FRY: variants seen among roughly 807,000 people sequenced by gnomAD.
FRY encodes FRY microtubule binding protein.
A neutral mutation model predicts 348.4 loss-of-function variants in FRY; 128 were observed. That is an observed-to-expected ratio of 0.37 (90% CI 0.32 to 0.43). FRY has a LOEUF of 0.43. FRY is among the 20% of genes least tolerant of loss of function. The probability of loss-of-function intolerance (pLI) is 1.00; values close to 1 mark genes in which losing one functional copy is unlikely to be tolerated. For synonymous variants in FRY, 1,370 were observed against 1,374.7 expected (o/e 1.00, Z 0.08); for missense variants, 2,736 against 3,695.2 (o/e 0.74, Z 6.73).
chr13:32,194,427 A>G, intron 29 of FRY, 130 bp downstream of exon 29: 3 of 801,762 alleles, frequency 3.7e-6, no homozygotes, highest in Non-Finnish European at 6.3e-6. Context: ...AATGTTCTGT[A>G]TGTCCCCAGC....
chr13:32,140,974 A>G (rs1253710147), intron 11 of FRY, among the ~76,000 whole-genome samples: 2 of 152,200 alleles, frequency 1.3e-5, no homozygotes, highest in Non-Finnish European at 2.9e-5. Flanking sequence ...TTTAAATACC[A>G]AATTTAAATG....
chr13:32,077,534 T>C (rs371340151), intron 1 of FRY, among the ~76,000 whole-genome samples: 5 of 152,180 alleles, frequency 3.3e-5, no homozygotes, highest in African/African-American at 1.2e-4. Context: ...TCAACTGTTA[T>C]GTCAGGTTAA....
chr13:32,146,035 A>T (rs1368083607), intron 11 of FRY, among the ~76,000 whole-genome samples: 1 of 151,782 alleles, frequency 6.6e-6, no homozygotes, highest in Non-Finnish European at 1.5e-5. Flanking sequence ...AAGCCTCACC[A>T]CCTACTGCTC....
In FRY at chr13:32,135,263, C is replaced by G. The variant is rs138854039; in HGVS notation, c.1077+80C>G. ...CCTAGACAGGAATCTGTTTGAGGAT[C>G]CTAAGGACTCCACAGATAGGAAAAG... On this transcript the variant is annotated intron_variant, in intron 10 of 60. Coordinates refer to ENST00000542859, the MANE Select transcript of FRY (RefSeq NM_023037.3). 2.6e-4 allele frequency: 220 copies of G among 860,834 alleles called. 2 individuals are homozygous for G. The African/African-American group carries it at 3.2e-3, about 12-fold the overall frequency. The allele number at this position is 860,834 out of a possible 1,614,324, so 53.3% of individuals were successfully genotyped here.
intron 1 of FRY, among the ~76,000 whole-genome samples, chr13:32,043,371 A>G (rs890534032): frequency 7.2e-5 from 11 of 152,218 alleles, no homozygotes; most frequent in African/African-American, 2.7e-4. Context: ...CTGTTGTTGT[A>G]TAGCATTGCA....
chr13:32,162,755 G>C (rs1247171597), intron 17 of FRY, among the ~76,000 whole-genome samples: 3 of 152,144 alleles, frequency 2.0e-5, no homozygotes, highest in Non-Finnish European at 4.4e-5. Context: ...GTCTCTTTCT[G>C]CTGTCATCAG....
At chr13:32,117,556 A>G in intron 4 of FRY, 83 bp downstream of exon 4, 3 of 1,418,776 alleles carry the variant, frequency 2.1e-6, no homozygotes, top group Non-Finnish European at 3.0e-6. Context: ...TTACAAGGCA[A>G]TTGGGTCTTC....
Position 32,131,690 on chromosome 13 carries a change from G to A in FRY, c.735G>A (p.Lys245=), listed in dbSNP as rs759542785. The change falls in exon 8 of 61, where the codon AAG becomes AAA. Residue 245 remains lysine (K), a synonymous_variant. Coordinates refer to ENST00000542859, the MANE Select transcript of FRY (RefSeq NM_023037.3). ...LAQAKFPAVK[K]KFMAELKELR... is the part of the protein sequence containing the mutation. Reference sequence around the variant, plus strand: ...TTCTTAGATTCCCTGCTGTAAAGAAGAAATTTATGGCGGAGCTAAAAGAAT... The same window carrying A: ...TTCTTAGATTCCCTGCTGTAAAGAAAAAATTTATGGCGGAGCTAAAAGAAT... 4 of 1,613,718 alleles carry A rather than the reference G, an allele frequency of 2.5e-6. No individual in the cohort carries two copies. The highest frequency in any genetic ancestry group is 2.5e-6 in the Non-Finnish European group (3 of 1,179,816).
chr13:32,272,339 G>A (rs997298130), intron 55 of FRY, among the ~76,000 whole-genome samples: 3 of 152,198 alleles, frequency 2.0e-5, no homozygotes, highest in African/African-American at 4.8e-5. Flanking sequence ...ACAAGGGAAT[G>A]GTTTCTGTCG....
intron 22 of FRY, 138 bp from the exon 23 acceptor site, chr13:32,179,537 G>GTGTGTGTGTGTT: frequency 1.4e-6 from 1 of 710,672 alleles, no homozygotes; most frequent in Non-Finnish European, 2.5e-6. Context: ...GTGTGTGTGT[G>GTGTGTGTGTGTT]TGTGTTTCCT....
chr13:32,220,235 C>T (rs1407572760), intron 36 of FRY, among the ~76,000 whole-genome samples: 1 of 152,154 alleles, frequency 6.6e-6, no homozygotes, highest in Non-Finnish European at 1.5e-5. Flanking sequence ...CAGGTAAGAA[C>T]TAGGTAGTTC....
chr13:32,167,822 G>A (rs967910108), intron 17 of FRY, among the ~76,000 whole-genome samples: 2 of 152,148 alleles, frequency 1.3e-5, no homozygotes, highest in East Asian at 1.9e-4. Flanking sequence ...AACATAAGAT[G>A]GGGAAATGAC....
chr13:32,192,373 C>CTGGAGT (rs60440966), intron 28 of FRY, among the ~76,000 whole-genome samples: 1 of 152,154 alleles, frequency 6.6e-6, no homozygotes, highest in East Asian at 1.9e-4. Flanking sequence ...AGTGCAGTGG[C>CTGGAGT]GCGATCTCGG....
chr13:32,291,567 G>T (rs1362950208), intron 59 of FRY, among the ~76,000 whole-genome samples: 2 of 151,672 alleles, frequency 1.3e-5, no homozygotes, highest in Non-Finnish European at 2.9e-5. Context: ...CACCACACCT[G>T]GCTAATTTTG....
intron 2 of FRY, among the ~76,000 whole-genome samples, chr13:32,089,485 G>A (rs1207831273): frequency 6.6e-6 from 1 of 152,050 alleles, no homozygotes; most frequent in African/African-American, 2.4e-5. Context: ...AATGTCTGGT[G>A]GGCACAGTGG....
In FRY at chr13:32,224,219, C is replaced by G. The variant is rs750676685; in HGVS notation, c.4766-16C>G. On this transcript the variant is annotated splice_polypyrimidine_tract_variant and intron_variant, in intron 36 of 60. Coordinates refer to ENST00000542859, the MANE Select transcript of FRY (RefSeq NM_023037.3). ...CTCCCTGAAAATAAAGCACAGTTGT[C>G]TTTCTCACCCTCCAGATGATCCAAT... 1 of 1,613,004 alleles carries G rather than the reference C, an allele frequency of 6.2e-7. No homozygotes were observed. The highest frequency in any genetic ancestry group is 1.1e-5 in the South Asian group (1 of 91,052).
chr13:32,280,306 A>ACAAT (rs1888745532), intron 58 of FRY, among the ~76,000 whole-genome samples: 1 of 152,262 alleles, frequency 6.6e-6, no homozygotes, highest in African/African-American at 2.4e-5. Flanking sequence ...TTGAATATAC[A>ACAAT]GTTCAAAAAT....
At position 32,234,568 on chromosome 13, in the gene FRY, C is replaced by T. The variant is rs1886120411; in HGVS notation, c.5528-6C>T. 2 of 1,613,414 alleles carry T rather than the reference C, an allele frequency of 1.2e-6. No individual in the cohort carries two copies. Among genetic ancestry groups the T allele is most frequent in the East Asian group, 2.2e-5 (1 of 44,886 alleles). On this transcript the variant is annotated splice_polypyrimidine_tract_variant and splice_region_variant and intron_variant, in intron 41 of 60. Coordinates refer to ENST00000542859, the MANE Select transcript of FRY (RefSeq NM_023037.3). Reference sequence around the variant, plus strand: ...CTGACCTATTCTGTGGCTCTTGTTACCCTAGGCTTCCATCTGGAGCACCAG... The same window carrying T: ...CTGACCTATTCTGTGGCTCTTGTTATCCTAGGCTTCCATCTGGAGCACCAG...
intron 47 of FRY, among the ~76,000 whole-genome samples, chr13:32,245,394 CAGG>C (rs1886741108): frequency 6.6e-6 from 1 of 151,894 alleles, no homozygotes. Flanking sequence ...CGCTTGAGGC[CAGG>C]AGTTCAAGAC....
Sources: gnomAD v4.1 joint callset for allele counts (sites outside exome capture counted in the v4.1 genomes callset) on GRCh38, gnomAD v4.1.1 for gene constraint, MANE v1.5 for transcripts, NCBI Gene and HGNC (gene_info 2026-07-23, HGNC 2026-07-21) for gene names.